APBA1: variants seen among roughly 807,000 people sequenced by gnomAD.
APBA1 encodes the protein amyloid beta precursor protein binding family A member 1, also known as amyloid-beta A4 precursor protein-binding family A member 1.
A neutral mutation model predicts 86.6 loss-of-function variants in APBA1; 55 were observed. The observed-to-expected ratio is 0.64, with a 90% CI of 0.51 to 0.80. The LOEUF is 0.80. Ranked by LOEUF, APBA1 falls within the 30% of genes least tolerant of loss-of-function variation. The pLI is 0.00. For missense variants in APBA1, 1,090 were observed against 1,183.0 expected (o/e 0.92, Z 1.15); for synonymous variants, 511 against 493.9 (o/e 1.03, Z -0.46).
intron 1 of APBA1, among the ~76,000 whole-genome samples, chr9:69,641,421 A>C (rs1823284803): frequency 6.6e-6 from 1 of 152,206 alleles, no homozygotes; most frequent in African/African-American, 2.4e-5. Context: ...AGTTATATGG[A>C]AATGCTAAAA....
At chr9:69,571,941 G>T (rs967467832) in intron 1 of APBA1, among the ~76,000 whole-genome samples, 1 of 152,158 alleles carries the variant, frequency 6.6e-6, no homozygotes, top group African/African-American at 2.4e-5. Context: ...ACAGGCATAG[G>T]AGTGGGATGT....
intron 1 of APBA1, among the ~76,000 whole-genome samples, chr9:69,556,571 A>G (rs1836862893): frequency 6.6e-6 from 1 of 152,212 alleles, no homozygotes; most frequent in Non-Finnish European, 1.5e-5. Context: ...CACTTTTAGA[A>G]AAACACGAGC....
chr9:69,589,868 C>G (rs762001161), intron 1 of APBA1, among the ~76,000 whole-genome samples: 4 of 152,134 alleles, frequency 2.6e-5, no homozygotes, highest in Non-Finnish European at 4.4e-5. Flanking sequence ...ACTGTATATT[C>G]TACCTGCAAT....
chr9:69,439,435 C>G (rs998668721), intron 11 of APBA1, among the ~76,000 whole-genome samples: 3 of 152,128 alleles, frequency 2.0e-5, no homozygotes, highest in Non-Finnish European at 4.4e-5. Flanking sequence ...TAGATTTGGT[C>G]TTTTCACATA....
intron 1 of APBA1, among the ~76,000 whole-genome samples, chr9:69,656,938 C>T (rs1215597170): frequency 1.3e-5 from 2 of 151,740 alleles, no homozygotes; most frequent in African/African-American, 2.4e-5. Flanking sequence ...CTCCGCTTCC[C>T]GGGTTCACGC....
intron 1 of APBA1, among the ~76,000 whole-genome samples, chr9:69,535,169 T>C (rs562057852): frequency 4.6e-4 from 70 of 152,334 alleles, no homozygotes; most frequent in Non-Finnish European, 6.0e-4. Context: ...GAACCATTAC[T>C]TGATTATGAC....
At chr9:69,488,834 C>G (rs939161493) in intron 2 of APBA1, among the ~76,000 whole-genome samples, 2 of 152,132 alleles carry the variant, frequency 1.3e-5, no homozygotes, top group East Asian at 1.9e-4. Context: ...TTCTTATACA[C>G]CAATAACAAA....
chr9:69,611,317 C>T (rs534654083), intron 1 of APBA1, among the ~76,000 whole-genome samples: 74 of 147,434 alleles, frequency 5.0e-4, no homozygotes, highest in African/African-American at 1.8e-3. Context: ...AAAAAAAAAC[C>T]CAAACCGGCT....
intron 1 of APBA1, among the ~76,000 whole-genome samples, chr9:69,664,620 ACTT>A (rs1823810864): frequency 6.6e-6 from 1 of 152,240 alleles, no homozygotes; most frequent in African/African-American, 2.4e-5. Context: ...ATATAATGTG[ACTT>A]CAATTATATG....
chr9:69,468,191 T>C (rs1835311124), intron 4 of APBA1, among the ~76,000 whole-genome samples: 1 of 152,322 alleles, frequency 6.6e-6, no homozygotes, highest in Admixed American at 6.5e-5. Flanking sequence ...CCATTTACTA[T>C]GGAAAGTGAT....
intron 1 of APBA1, among the ~76,000 whole-genome samples, chr9:69,666,544 C>T (rs529819838): frequency 6.6e-6 from 1 of 152,156 alleles, no homozygotes; most frequent in African/African-American, 2.4e-5. Flanking sequence ...TCCCCCCACC[C>T]CATATTCCTT....
At chr9:69,535,976 T>C (rs1005335723) in intron 1 of APBA1, among the ~76,000 whole-genome samples, 4 of 151,936 alleles carry the variant, frequency 2.6e-5, no homozygotes, top group Non-Finnish European at 5.9e-5. Flanking sequence ...GTTGCTATTT[T>C]CCCCCACATA....
chr9:69,601,427 T>C (rs1233429596), intron 1 of APBA1, among the ~76,000 whole-genome samples: 1 of 152,240 alleles, frequency 6.6e-6, no homozygotes, highest in Non-Finnish European at 1.5e-5. Context: ...AAAGAGGATG[T>C]AAAACCATTC....
At chr9:69,636,522 A>T (rs1435296793) in intron 1 of APBA1, among the ~76,000 whole-genome samples, 1 of 152,074 alleles carries the variant, frequency 6.6e-6, no homozygotes, top group Non-Finnish European at 1.5e-5. Flanking sequence ...ATGAATGGAT[A>T]AAGAAAATAC....
intron 1 of APBA1, among the ~76,000 whole-genome samples, chr9:69,644,733 T>A (rs1823357139): frequency 6.6e-6 from 1 of 152,218 alleles, no homozygotes; most frequent in African/African-American, 2.4e-5. Context: ...GAACTCATGC[T>A]GGATGGAAAG....
intron 10 of APBA1, among the ~76,000 whole-genome samples, chr9:69,441,702 G>C (rs1001343161): frequency 1.3e-5 from 2 of 152,220 alleles, no homozygotes; most frequent in East Asian, 1.9e-4. Context: ...ACTCCAATCA[G>C]TGTGTGCCTC....
chr9:69,613,186 A>G (rs949160877), intron 1 of APBA1, among the ~76,000 whole-genome samples: 2 of 137,956 alleles, frequency 1.4e-5, no homozygotes, highest in African/African-American at 5.9e-5. Flanking sequence ...ACACTGCTAC[A>G]TAACTAAAAC....
intron 2 of APBA1, among the ~76,000 whole-genome samples, chr9:69,497,729 G>C (rs976251028): frequency 1.7e-4 from 26 of 152,068 alleles, no homozygotes; most frequent in African/African-American, 6.0e-4. Flanking sequence ...CCTAGTCCCA[G>C]CTTTTTCTGA....
chr9:69,554,724 T>G (rs753866247), intron 1 of APBA1, among the ~76,000 whole-genome samples: 1 of 152,172 alleles, frequency 6.6e-6, no homozygotes, highest in Non-Finnish European at 1.5e-5. Context: ...GAATGAGAGA[T>G]TTTGCTACTG....
Sources: allele counts gnomAD v4.1 joint callset (sites outside exome capture counted in the v4.1 genomes callset), GRCh38; gene constraint gnomAD v4.1.1; transcripts MANE v1.5; gene names NCBI Gene and HGNC (gene_info 2026-07-23, HGNC 2026-07-21).